The following NOS1AP variants were observed in gnomAD, a reference collection of about 807,000 sequenced individuals.
The protein encoded by NOS1AP is carboxyl-terminal PDZ ligand of neuronal nitric oxide synthase protein.
A neutral mutation model predicts 56.2 loss-of-function variants in NOS1AP; 21 were observed. The observed-to-expected ratio is 0.37, with a 90% CI of 0.26 to 0.54. The LOEUF is 0.54. NOS1AP is among the 20% of genes least tolerant of loss of function. NOS1AP has a pLI of 0.84. For synonymous variants in NOS1AP, 270 were observed against 274.6 expected, an observed-to-expected ratio of 0.98 and a Z score of 0.17; for missense variants, 522 against 657.8, an observed-to-expected ratio of 0.79 and a Z score of 2.26.
At chr1:162,112,453 C>A (rs1397265123) in intron 1 of NOS1AP, among the ~76,000 whole-genome samples, 1 of 152,168 alleles carries the variant, frequency 6.6e-6, no homozygotes, top group Non-Finnish European at 1.5e-5. Flanking sequence ...CCTCTTCAAA[C>A]CCCTCTGGGT....
chr1:162,280,193 T>C (rs1654871841), intron 2 of NOS1AP, among the ~76,000 whole-genome samples: 1 of 152,204 alleles, frequency 6.6e-6, no homozygotes, highest in Non-Finnish European at 1.5e-5. Context: ...AAAAAATGTA[T>C]GAAAGGTAAA....
intron 1 of NOS1AP, among the ~76,000 whole-genome samples, chr1:162,100,165 G>A (rs1219289073): frequency 6.6e-6 from 1 of 152,150 alleles, no homozygotes; most frequent in Non-Finnish European, 1.5e-5. Flanking sequence ...GGATGGCTGG[G>A]TCAAATGGTA....
At chr1:162,270,193 C>A (rs1310969207) in intron 2 of NOS1AP, among the ~76,000 whole-genome samples, 1 of 152,138 alleles carries the variant, frequency 6.6e-6, no homozygotes. Flanking sequence ...ACTTTTCTCA[C>A]CCCATGGGAG....
chr1:162,325,720 G>A (rs191068138), intron 4 of NOS1AP, among the ~76,000 whole-genome samples: 3 of 151,920 alleles, frequency 2.0e-5, no homozygotes, highest in African/African-American at 7.3e-5. Context: ...TACTTTCCCA[G>A]AGGTTTTCCT....
intron 2 of NOS1AP, among the ~76,000 whole-genome samples, chr1:162,215,540 C>CT (rs1424081040): frequency 6.6e-6 from 1 of 152,232 alleles, no homozygotes; most frequent in African/African-American, 2.4e-5. Flanking sequence ...AGGAGACAGT[C>CT]TGAGTGGCAG....
At chr1:162,289,257 C>CT (rs1403109064) in intron 3 of NOS1AP, among the ~76,000 whole-genome samples, 3 of 65,570 alleles carry the variant, frequency 4.6e-5, no homozygotes, top group Non-Finnish European at 2.8e-5. Flanking sequence ...TCCTTCCTTC[C>CT]TTCCTTCCTT....
chr1:162,321,731 A>AAATATATATAT (rs1480278757), intron 4 of NOS1AP, among the ~76,000 whole-genome samples: 30 of 128,482 alleles, frequency 2.3e-4, no homozygotes, highest in African/African-American at 6.1e-4. Context: ...AAAAAAAAAA[A>AAATATATATAT]ATATATATAT....
intron 1 of NOS1AP, among the ~76,000 whole-genome samples, chr1:162,135,385 G>A (rs1020317949): frequency 6.6e-6 from 1 of 152,224 alleles, no homozygotes; most frequent in Non-Finnish European, 1.5e-5. Flanking sequence ...GGGAAAGACA[G>A]GCTCTTGGAA....
At chr1:162,137,895 C>T (rs752116895) in intron 1 of NOS1AP, among the ~76,000 whole-genome samples, 1 of 152,068 alleles carries the variant, frequency 6.6e-6, no homozygotes, top group Non-Finnish European at 1.5e-5. Context: ...AGAAAGCAAG[C>T]AAGCGGTGAT....
chr1:162,296,505 A>G (rs527314122), intron 3 of NOS1AP, among the ~76,000 whole-genome samples: 12 of 152,236 alleles, frequency 7.9e-5, no homozygotes, highest in Admixed American at 3.3e-4. Flanking sequence ...TGGTGAAAAG[A>G]TCTTTGTGGT....
intron 2 of NOS1AP, among the ~76,000 whole-genome samples, chr1:162,194,360 C>G (rs1312552090): frequency 6.6e-6 from 1 of 152,142 alleles, no homozygotes. Flanking sequence ...TGGTCCATCT[C>G]TGTAGGTTGT....
At position 162,344,066 on chromosome 1, in the gene NOS1AP, A is replaced by G. The variant is rs1277866638; in HGVS notation, c.595+90A>G. The G allele has an allele frequency of 5.0e-6, 7 of 1,404,238 alleles. No individual in the cohort carries two copies. The East Asian group carries it at 1.7e-4, about 34-fold the overall frequency. 87.0% of individuals were successfully genotyped at this position (1,404,238 alleles called of 1,614,324 possible). ...CACTGCCCTGACCCCCAGGCTGTGA[A>G]CTCATTTTAAGAAACATTTTATTTT... On this transcript the variant is annotated intron_variant, in intron 6 of 9. Coordinates refer to ENST00000361897, the MANE Select transcript of NOS1AP (RefSeq NM_014697.3).
intron 2 of NOS1AP, among the ~76,000 whole-genome samples, chr1:162,255,659 A>G (rs1210394934): frequency 6.6e-6 from 1 of 151,974 alleles, no homozygotes; most frequent in East Asian, 1.9e-4. Context: ...ATCGATGGCC[A>G]TGGAACCAGC....
chr1:162,193,356 G>A (rs1651701748), intron 2 of NOS1AP, among the ~76,000 whole-genome samples: 1 of 152,168 alleles, frequency 6.6e-6, no homozygotes, highest in Non-Finnish European at 1.5e-5. Context: ...GGGGCATTTT[G>A]TCCTGGAGCA....
chr1:162,245,039 A>G (rs1475524817), intron 2 of NOS1AP, among the ~76,000 whole-genome samples: 1 of 152,166 alleles, frequency 6.6e-6, no homozygotes, highest in East Asian at 1.9e-4. Context: ...GTGTGCTACC[A>G]TGTAGAGGAG....
intron 1 of NOS1AP, among the ~76,000 whole-genome samples, chr1:162,126,658 T>A (rs1393459869): frequency 6.6e-6 from 1 of 152,220 alleles, no homozygotes; most frequent in Admixed American, 6.5e-5. Context: ...TGAATGTGGT[T>A]TATTCAACTT....
At chr1:162,075,022 A>C (rs1691738953) in intron 1 of NOS1AP, among the ~76,000 whole-genome samples, 2 of 152,234 alleles carry the variant, frequency 1.3e-5, no homozygotes, top group Non-Finnish European at 2.9e-5. Flanking sequence ...GAAGAGACAT[A>C]AGCCCTACTT....
chr1:162,325,203 G>A (rs1323705802), intron 4 of NOS1AP, among the ~76,000 whole-genome samples: 1 of 152,130 alleles, frequency 6.6e-6, no homozygotes. Flanking sequence ...TACAGTGGGG[G>A]GAAAATGATA....
Position 162,287,434 on chromosome 1 carries a change from A to C in NOS1AP, c.268A>C (p.Lys90Gln), listed in dbSNP as rs1215631561. Residue 90 changes from lysine (K) to glutamine (Q), a missense_variant and splice_region_variant, in exon 3 of 10, where the codon AAG (lysine) becomes CAG (glutamine). Physicochemically the swap from Lys to Gln is moderately conservative, Grantham distance 53. Transcript: ENST00000361897. ...GVKVILKKKKKLLLLQKKEWT... is the reference protein window; with the variant it reads ...GVKVILKKKKQLLLLQKKEWT... ...GAAAGTGATTCTGAAGAAGAAGAAA[A>C]AGGTAAGTGGCTCTGAACCAGAATC... is the stretch of plus-strand genomic sequence containing the variant. 6.2e-7 allele frequency: 1 copy of C among 1,605,062 alleles called. No homozygotes were observed. The highest frequency in any genetic ancestry group is 1.3e-5 in the African/African-American group (1 of 74,854).
Sources: allele counts gnomAD v4.1 joint callset (sites outside exome capture counted in the v4.1 genomes callset), GRCh38; gene constraint gnomAD v4.1.1; transcripts MANE v1.5; gene names NCBI Gene and HGNC (gene_info 2026-07-23, HGNC 2026-07-21).